TBC1D30: variants seen among roughly 807,000 people sequenced by gnomAD.
TBC1D30 encodes TBC1 domain family member 30.
Under a neutral mutation model 63.2 loss-of-function variants are expected in TBC1D30, and 31 were observed. The ratio of observed to expected loss-of-function variants is 0.49; its 90% confidence interval spans 0.37 to 0.66. The LOEUF (loss-of-function observed/expected upper bound fraction) is 0.66, where lower values mean the gene tolerates loss of function less well. Ranked by LOEUF, TBC1D30 falls within the 30% of genes least tolerant of loss-of-function variation. The pLI is 0.00. For missense variants in TBC1D30, 810 were observed against 953.6 expected, an observed-to-expected ratio of 0.85 and a Z score of 1.98; for synonymous variants, 307 against 361.5, an observed-to-expected ratio of 0.85 and a Z score of 1.71.
rs1268304128 is a variant in TBC1D30 at position 64,875,654 on chromosome 12, C to T, written c.2152C>T (p.Leu718=). ...IFSPFPSVKP[L]RKSATARNLG... ...TAGCCCTTTTCCCAGCGTCAAGCCC[C>T]TGCGGAAATCTGCTACTGCCAGGAA... Residue 718 remains leucine, a synonymous_variant, in exon 12 of 12, where the codon CTG becomes TTG. Transcript: ENST00000539867. 2.6e-6 allele frequency: 4 copies of T among 1,536,242 alleles called. No homozygotes were observed. In the South Asian group the frequency reaches 3.6e-5, roughly 14 times the overall value.
chr12:64,784,501 G>A (rs1871449415), intron 1 of TBC1D30, among the ~76,000 whole-genome samples: 1 of 150,874 alleles, frequency 6.6e-6, no homozygotes, highest in African/African-American at 2.4e-5. Flanking sequence ...AAAATGAGTA[G>A]ATCCAAACCC....
intron 2 of TBC1D30, among the ~76,000 whole-genome samples, chr12:64,788,137 C>T (rs1871704642): frequency 6.6e-6 from 1 of 151,806 alleles, no homozygotes; most frequent in Non-Finnish European, 1.5e-5. Context: ...ATAGGCTTTT[C>T]TCCAGAGTCA....
intron 2 of TBC1D30, among the ~76,000 whole-genome samples, chr12:64,792,687 A>C (rs527675837): frequency 2.0e-5 from 3 of 152,196 alleles, no homozygotes; most frequent in Admixed American, 2.0e-4. Flanking sequence ...TTCTTGCTTC[A>C]GCCTCCCCAA....
intron 2 of TBC1D30, among the ~76,000 whole-genome samples, chr12:64,796,755 C>T (rs1326777793): frequency 6.6e-6 from 1 of 152,098 alleles, no homozygotes; most frequent in Non-Finnish European, 1.5e-5. Flanking sequence ...TCTGTGTTTA[C>T]TATTTCCCAC....
rs2136453625 is a variant in TBC1D30, at chr12:64,862,203, G to A, written c.1039-2465G>A. Among the ~76,000 whole-genome samples the A allele has an allele frequency of 1.3e-5, 2 of 152,296 alleles. 1 individual carries two copies. On this transcript the variant is annotated intron_variant, in intron 8 of 11. Coordinates refer to ENST00000539867, the MANE Select transcript of TBC1D30 (RefSeq NM_015279.2). ...CTGTTGTAAATCTCCGACTTACCAA[G>A]GTGGAGGCCTAAAGATTTCCGACAC...
chr12:64,821,898 G>C (rs916285979), upstream of TBC1D30, among the ~76,000 whole-genome samples: 1 of 152,210 alleles, frequency 6.6e-6, no homozygotes, highest in Admixed American at 6.5e-5. Context: ...ATTTTCTAAA[G>C]TGATGCCTTT....
At chr12:64,861,412 T>C (rs948435592) in intron 8 of TBC1D30, among the ~76,000 whole-genome samples, 5 of 152,198 alleles carry the variant, frequency 3.3e-5, no homozygotes, top group Non-Finnish European at 5.9e-5. Flanking sequence ...TTTTTTAATT[T>C]AGTGCTGTCA....
intron 8 of TBC1D30, among the ~76,000 whole-genome samples, chr12:64,855,252 C>A (rs1247733091): frequency 6.6e-6 from 1 of 151,804 alleles, no homozygotes; most frequent in Admixed American, 6.6e-5. Flanking sequence ...CTTTTAGGAT[C>A]ATTTCTTTAC....
chr12:64,857,783 C>T (rs971963248), intron 8 of TBC1D30, among the ~76,000 whole-genome samples: 2 of 152,210 alleles, frequency 1.3e-5, no homozygotes, highest in East Asian at 1.9e-4. Context: ...GCTAGATGGG[C>T]GATTCCCCAC....
chr12:64,827,398 A>G (rs559626444), intron 1 of TBC1D30, among the ~76,000 whole-genome samples: 7 of 152,330 alleles, frequency 4.6e-5, no homozygotes, highest in Admixed American at 1.3e-4. Context: ...GCATTGTGCT[A>G]TGATTGTGCC....
At chr12:64,826,298 T>C (rs1408585417) in intron 1 of TBC1D30, among the ~76,000 whole-genome samples, 2 of 152,296 alleles carry the variant, frequency 1.3e-5, no homozygotes, top group East Asian at 3.9e-4. Flanking sequence ...AGAGGATAGT[T>C]GTGGTTTTGG....
At chr12:64,836,441 G>GA (rs1279626025) in intron 5 of TBC1D30, 49 bp from the exon 6 acceptor site, 7 of 1,450,950 alleles carry the variant, frequency 4.8e-6, no homozygotes, top group Non-Finnish European at 5.6e-6. Context: ...GACGTGTTGG[G>GA]ATCCCAGTTT....
chr12:64,837,451 G>A lies in TBC1D30; in HGVS notation c.763+793G>A, dbSNP rs139680387. ...ACTGGGGGTGATGGGAGAAAGTGAC[G>A]GCTCATCAGGCATTAGATTCTCATA... is the stretch of plus-strand genomic sequence containing the variant. On this transcript the variant is annotated intron_variant, in intron 6 of 11. Coordinates refer to ENST00000539867, the MANE Select transcript of TBC1D30 (RefSeq NM_015279.2). Among the ~76,000 whole-genome samples, 1,333 of 151,518 alleles carry A rather than the reference G, an allele frequency of 8.8e-3. 8 individuals are homozygous for A. The highest frequency in any genetic ancestry group is 0.012 in the Non-Finnish European group (793 of 67,922).
At chr12:64,828,971 C>T (rs1477135139) in intron 3 of TBC1D30, among the ~76,000 whole-genome samples, 1 of 151,434 alleles carries the variant, frequency 6.6e-6, no homozygotes, top group Non-Finnish European at 1.5e-5. Flanking sequence ...ACCCTCAGCC[C>T]TCAGGCGGGA....
chr12:64,781,260 A>C (rs1871269215), exon 1 of TBC1D30: 1 of 1,156,190 alleles, frequency 8.6e-7, no homozygotes, highest in Non-Finnish European at 1.1e-6. Flanking sequence ...AGCCAGCGGC[A>C]TCAGATGCTG....
At position 64,836,597 on chromosome 12, in the gene TBC1D30, G is replaced by A; in HGVS notation, c.702G>A (p.Lys234=). The change falls in exon 6 of 12, where the codon AAG becomes AAA. Residue 234 remains lysine, a synonymous_variant. Transcript: ENST00000539867. ...MAVFRDLLRM[K]LPELSQHLDT... ...TCTTCAGAGACCTTTTAAGAATGAA[G>A]CTGCCGGAATTATCTCAGCACCTGG... 14 of 1,535,934 alleles carry A rather than the reference G, an allele frequency of 9.1e-6. No homozygotes were observed. Among genetic ancestry groups the A allele is most frequent in the Non-Finnish European group, 1.2e-5 (14 of 1,146,852 alleles).
At chr12:64,857,297 G>A (rs1287137933) in intron 8 of TBC1D30, among the ~76,000 whole-genome samples, 2 of 152,196 alleles carry the variant, frequency 1.3e-5, no homozygotes, top group African/African-American at 2.4e-5. Context: ...CTCTTTAGTC[G>A]GCAGGTGATG....
In TBC1D30 at chr12:64,843,954, T is replaced by C. The variant is rs1876129298; in HGVS notation, c.1038+469T>C. Among the ~76,000 whole-genome samples the C allele has an allele frequency of 2.0e-5, 3 of 152,110 alleles. No individual in the cohort carries two copies. The South Asian group carries it at 6.2e-4, about 32-fold the overall frequency. ...CTACAGGCGTATGCCACCATACAGC[T>C]AATTTTTTATTTTTATTTTTGTATA... On this transcript the variant is annotated intron_variant, in intron 8 of 11. Transcript: ENST00000539867.
rs569310065 is a variant in TBC1D30 at position 64,842,681 on chromosome 12, T to C, written c.933-699T>C. On this transcript the variant is annotated intron_variant, in intron 7 of 11. Transcript: ENST00000539867. ...GTGGTTTGGTTTTAAATCTATTATA[T>C]TAATGATATCACTGTTTGCAGATTA... 2.6e-5 allele frequency among the ~76,000 whole-genome samples: 4 copies of C among 152,356 alleles called. No individual in the cohort carries two copies. In the East Asian group the frequency reaches 7.7e-4, roughly 29 times the overall value.
Sources: allele counts gnomAD v4.1 joint callset (sites outside exome capture counted in the v4.1 genomes callset), GRCh38; gene constraint gnomAD v4.1.1; transcripts MANE v1.5; gene names NCBI Gene and HGNC (gene_info 2026-07-23, HGNC 2026-07-21).